Variants in SCFD2 observed in about 807,000 individuals in gnomAD.
The protein encoded by SCFD2 is sec1 family domain containing 2, also known as sec1 family domain-containing protein 2.
In SCFD2, 54 loss-of-function variants were observed where a neutral mutation model predicts 58.9. That is an observed-to-expected ratio of 0.92 (90% CI 0.74 to 1.15). The LOEUF is 1.15. Among genes scored for constraint, SCFD2 ranks in the 50% most tolerant of loss-of-function variants. The probability of loss-of-function intolerance (pLI) is 0.00; values close to 1 mark genes in which losing one functional copy is unlikely to be tolerated. For synonymous variants in SCFD2, 321 were observed against 335.9 expected, an observed-to-expected ratio of 0.96 and a Z score of 0.49; for missense variants, 805 against 836.6, an observed-to-expected ratio of 0.96 and a Z score of 0.47.
intron 5 of SCFD2, among the ~76,000 whole-genome samples, chr4:53,120,904 T>A (rs1177208098): frequency 6.6e-6 from 1 of 152,168 alleles, no homozygotes; most frequent in Non-Finnish European, 1.5e-5. Context: ...TCATTAATAT[T>A]CCCAAACTGC....
At chr4:53,021,480 A>T (rs1722348417) in intron 5 of SCFD2, among the ~76,000 whole-genome samples, 1 of 152,192 alleles carries the variant, frequency 6.6e-6, no homozygotes, top group Non-Finnish European at 1.5e-5. Context: ...CAACAGAAAC[A>T]TACTGTATGT....
chr4:53,086,366 CAA>C (rs2148862738), intron 5 of SCFD2, among the ~76,000 whole-genome samples: 1 of 151,942 alleles, frequency 6.6e-6, no homozygotes, highest in Non-Finnish European at 1.5e-5. Context: ...GACTTTTATC[CAA>C]AAGACAGGCA....
intron 4 of SCFD2, among the ~76,000 whole-genome samples, chr4:53,203,144 C>G (rs551715764): frequency 1.3e-5 from 2 of 152,264 alleles, no homozygotes; most frequent in African/African-American, 4.8e-5. Flanking sequence ...GTTCATTCAG[C>G]ATGATATTGG....
chr4:52,930,035 C>G (rs1236042291), intron 5 of SCFD2, among the ~76,000 whole-genome samples: 1 of 152,090 alleles, frequency 6.6e-6, no homozygotes, highest in African/African-American at 2.4e-5. Flanking sequence ...CAAAAAAGAG[C>G]CTGTATAGCC....
At chr4:53,011,191 G>A (rs1320152859) in intron 5 of SCFD2, among the ~76,000 whole-genome samples, 1 of 152,154 alleles carries the variant, frequency 6.6e-6, no homozygotes, top group Non-Finnish European at 1.5e-5. Context: ...ATGAGGCTGT[G>A]CTCATAATAA....
At chr4:53,220,300 T>G (rs139687181) in intron 4 of SCFD2, among the ~76,000 whole-genome samples, 3 of 152,324 alleles carry the variant, frequency 2.0e-5, no homozygotes, top group East Asian at 1.9e-4. Flanking sequence ...TATAAGCTCA[T>G]TATCATATAT....
At chr4:52,905,471 C>G (rs1029175289) in intron 7 of SCFD2, among the ~76,000 whole-genome samples, 1 of 152,210 alleles carries the variant, frequency 6.6e-6, no homozygotes, top group African/African-American at 2.4e-5. Context: ...TCCCCCACCC[C>G]CTGTAGATAG....
Position 52,920,881 on chromosome 4 carries a change from C to CT in SCFD2, c.1562-12_1562-11insA. On this transcript the variant is annotated splice_polypyrimidine_tract_variant and intron_variant, in intron 5 of 8. Coordinates refer to ENST00000401642, the MANE Select transcript of SCFD2 (RefSeq NM_152540.4). ...TTGAAGAGTCCCAGTCTGAAAAAAT[C>CT]CAGAGATATTTTCTTGAGTGAGTAA... 1 of 1,587,328 alleles carries CT rather than the reference C, an allele frequency of 6.3e-7. No homozygotes were observed. The highest frequency in any genetic ancestry group is 8.6e-7 in the Non-Finnish European group (1 of 1,166,154).
chr4:53,097,601 G>T (rs1346789735), intron 5 of SCFD2, among the ~76,000 whole-genome samples: 16 of 152,072 alleles, frequency 1.1e-4, no homozygotes, highest in African/African-American at 2.9e-4. Context: ...CTTATCAGCT[G>T]AAGGAGATTT....
intron 4 of SCFD2, among the ~76,000 whole-genome samples, chr4:53,207,537 TTA>T (rs1491305809): frequency 0.013 from 131 of 9,976 alleles, 5 homozygotes; most frequent in African/African-American, 0.05. Flanking sequence ...TATTTATATA[TTA>T]TATATATAAT....
At chr4:53,353,440 T>G (rs1219830021) in intron 1 of SCFD2, among the ~76,000 whole-genome samples, 1 of 152,090 alleles carries the variant, frequency 6.6e-6, no homozygotes, top group African/African-American at 2.4e-5. Flanking sequence ...GCTCCAACAG[T>G]GTGGTAAGGG....
chr4:53,286,533 G>A (rs979456644), intron 3 of SCFD2, among the ~76,000 whole-genome samples: 1 of 152,058 alleles, frequency 6.6e-6, no homozygotes, highest in African/African-American at 2.4e-5. Flanking sequence ...TGGAGCTCCT[G>A]CACAGCAGAG....
intron 5 of SCFD2, among the ~76,000 whole-genome samples, chr4:53,082,690 A>G (rs2148859425): frequency 6.6e-6 from 1 of 152,166 alleles, no homozygotes; most frequent in East Asian, 1.9e-4. Flanking sequence ...GAGGTCCCAA[A>G]CAGAACAAAA....
intron 5 of SCFD2, among the ~76,000 whole-genome samples, chr4:53,063,902 A>G (rs1249518104): frequency 1.3e-5 from 2 of 152,076 alleles, no homozygotes; most frequent in African/African-American, 4.8e-5. Context: ...GCTAAGCTCA[A>G]GGCATCAACT....
chr4:52,924,492 T>C (rs969616285), intron 5 of SCFD2, among the ~76,000 whole-genome samples: 1 of 152,048 alleles, frequency 6.6e-6, no homozygotes, highest in Non-Finnish European at 1.5e-5. Context: ...TGCTGAAAAA[T>C]AGTCGATTAT....
rs78170846 is a variant in SCFD2, at chr4:53,044,215, G to A, written c.1561+101118C>T. Among the ~76,000 whole-genome samples the A allele has an allele frequency of 8.5e-5, 13 of 152,108 alleles. No homozygotes were observed. The East Asian group carries it at 1.9e-3, about 23-fold the overall frequency. On this transcript the variant is annotated intron_variant, in intron 5 of 8. Coordinates refer to ENST00000401642, the MANE Select transcript of SCFD2 (RefSeq NM_152540.4). ...TTAATCCCCAATTCCCCCTGGGGTT[G>A]GTACACTTGTCAGACCTGCATCAGA...
chr4:53,294,861 A>C (rs1250115040), intron 3 of SCFD2, among the ~76,000 whole-genome samples: 1 of 152,200 alleles, frequency 6.6e-6, no homozygotes, highest in Non-Finnish European at 1.5e-5. Context: ...GCATATGGCT[A>C]GCCAGTTTTC....
chr4:53,150,737 T>C (rs1726481353), intron 4 of SCFD2, among the ~76,000 whole-genome samples: 1 of 152,208 alleles, frequency 6.6e-6, no homozygotes, highest in Non-Finnish European at 1.5e-5. Context: ...ATACCATAAA[T>C]GCCTGAATAT....
intron 5 of SCFD2, among the ~76,000 whole-genome samples, chr4:53,103,842 C>T (rs1473147732): frequency 1.4e-4 from 11 of 78,210 alleles, no homozygotes; most frequent in African/African-American, 5.4e-4. Context: ...TAAGGGTTGA[C>T]AACACAGATG....
Sources: allele counts gnomAD v4.1 joint callset (sites outside exome capture counted in the v4.1 genomes callset), GRCh38; gene constraint gnomAD v4.1.1; transcripts MANE v1.5; gene names NCBI Gene and HGNC (gene_info 2026-07-23, HGNC 2026-07-21).